Variants in SYTL3 observed in about 807,000 individuals in gnomAD.
The protein encoded by SYTL3 is synaptotagmin like 3.
A neutral mutation model predicts 82.1 loss-of-function variants in SYTL3; 88 were observed. The ratio of observed to expected loss-of-function variants is 1.07; its 90% confidence interval spans 0.90 to 1.28. The LOEUF (loss-of-function observed/expected upper bound fraction) is 1.28, where lower values mean the gene tolerates loss of function less well. SYTL3 is among the 50% of genes most tolerant of loss of function. The pLI is 0.00. For synonymous variants in SYTL3, 311 were observed against 289.4 expected (o/e 1.07, Z -0.76); for missense variants, 831 against 757.6 (o/e 1.10, Z -1.14).
chr6:158,669,791 G>A (rs771895403), intron 5 of SYTL3, among the ~76,000 whole-genome samples: 10 of 152,202 alleles, frequency 6.6e-5, no homozygotes, highest in Non-Finnish European at 1.2e-4. Flanking sequence ...TCAAAAGGGA[G>A]GTGAGCTGGA....
rs573363913 is a variant in SYTL3 at position 158,745,114 on chromosome 6, C to T, written c.856-366C>T. Among the ~76,000 whole-genome samples, 7 of 152,028 alleles carry T rather than the reference C, an allele frequency of 4.6e-5. No homozygotes were observed. The South Asian group carries it at 6.2e-4, about 14-fold the overall frequency. ...GCAGCCACTTAGCCCCAGACTGTGC[C>T]GCTTTCCGCATAGCTGTCCTGCCAT... On this transcript the variant is annotated intron_variant, in intron 11 of 17. Transcript: ENST00000611299.
Position 158,757,216 on chromosome 6 carries a change from G to T in SYTL3, c.1143G>T (p.Gln381His), listed in dbSNP as rs752312511. 2.5e-6 allele frequency: 4 copies of T among 1,609,486 alleles called. No homozygotes were observed. The highest frequency in any genetic ancestry group is 1.7e-5 in the Admixed American group (1 of 59,982). Residue 381 changes from glutamine (Q) to histidine (H), a missense_variant, in exon 14 of 18, where the codon CAG (glutamine) becomes CAT (histidine). Physicochemically the swap from Gln to His is conservative, Grantham distance 24. Coordinates refer to ENST00000611299, the MANE Select transcript of SYTL3 (RefSeq NM_001242394.2). Reference sequence around the variant, plus strand: ...TCTCTTCCTTGCCTCTGCAGTATCAGGTGGCCCCTGCCCAGCTGGTGACCC... The same window carrying T: ...TCTCTTCCTTGCCTCTGCAGTATCATGTGGCCCCTGCCCAGCTGGTGACCC... ...DPTFQETLKYQVAPAQLVTRQ... is the reference protein window; with the variant it reads ...DPTFQETLKYHVAPAQLVTRQ...
rs1159297564 is a variant in SYTL3, at chr6:158,690,208, G to A, written c.394+7219G>A. Reference sequence around the variant, plus strand: ...GGCCCTAGCCAGATTTTGAATGTTTGAGAGCAGGAGCTATGAGTAAAGGAA... The same window carrying A: ...GGCCCTAGCCAGATTTTGAATGTTTAAGAGCAGGAGCTATGAGTAAAGGAA... On this transcript the variant is annotated intron_variant, in intron 6 of 17. Transcript: ENST00000611299. Among the ~76,000 whole-genome samples the A allele has an allele frequency of 3.9e-5, 6 of 152,350 alleles. No individual in the cohort carries two copies. The South Asian group carries it at 1.2e-3, about 32-fold the overall frequency.
rs190769514 is a variant in SYTL3 at position 158,753,655 on chromosome 6, G to A, written c.1137+1625G>A. On this transcript the variant is annotated intron_variant, in intron 13 of 17. Transcript: ENST00000611299. ...TGAGGCAGGAGAATGGCGTGAACCC[G>A]GGAGGCAGAGCTTGCAGTGAGCCGA... is the stretch of plus-strand genomic sequence containing the variant. Among the ~76,000 whole-genome samples, 15 of 151,450 alleles carry A rather than the reference G, an allele frequency of 9.9e-5. 1 individual carries two copies. The East Asian group carries it at 1.8e-3, about 18-fold the overall frequency.
chr6:158,761,959 CG>C (rs1377085497), intron 15 of SYTL3, 116 bp from the exon 16 acceptor site: 1 of 693,872 alleles, frequency 1.4e-6, no homozygotes, highest in Non-Finnish European at 2.5e-6. Flanking sequence ...TCTGCTCTCT[CG>C]GGGTCTGAGG....
At chr6:158,678,833 T>G (rs1014108993) in intron 5 of SYTL3, among the ~76,000 whole-genome samples, 4 of 152,146 alleles carry the variant, frequency 2.6e-5, no homozygotes, top group Non-Finnish European at 4.4e-5. Context: ...TTGAAAAAAT[T>G]TTTAAAGAAG....
At chr6:158,758,380 A>G (rs1204825892) in intron 14 of SYTL3, among the ~76,000 whole-genome samples, 3 of 151,094 alleles carry the variant, frequency 2.0e-5, no homozygotes, top group Non-Finnish European at 2.9e-5. Context: ...AGAGGTTGCA[A>G]TGAGTCGAGA....
intron 12 of SYTL3, among the ~76,000 whole-genome samples, chr6:158,750,541 CAG>C (rs538498158): frequency 6.6e-5 from 10 of 152,228 alleles, no homozygotes; most frequent in Admixed American, 3.9e-4. Flanking sequence ...TTTTTTGAGA[CAG>C]AGTCTTGCTT....
intron 10 of SYTL3, among the ~76,000 whole-genome samples, chr6:158,718,801 G>A (rs1331646322): frequency 2.0e-5 from 3 of 152,330 alleles, no homozygotes; most frequent in East Asian, 3.9e-4. Flanking sequence ...GGGAAAGCCC[G>A]CATTCTAGTT....
chr6:158,752,397 G>T (rs1788510532), intron 13 of SYTL3, among the ~76,000 whole-genome samples: 1 of 152,180 alleles, frequency 6.6e-6, no homozygotes, highest in African/African-American at 2.4e-5. Flanking sequence ...CAGACAGAGT[G>T]CCCTGAAAAT....
chr6:158,650,246 A>G (rs1787825411), intron 1 of SYTL3, among the ~76,000 whole-genome samples, 168 bp downstream of exon 1: 1 of 152,236 alleles, frequency 6.6e-6, no homozygotes, highest in Admixed American at 6.5e-5. Flanking sequence ...ATTTTATTGA[A>G]TAACATACAT....
intron 11 of SYTL3, among the ~76,000 whole-genome samples, chr6:158,730,387 T>C (rs1554260610): frequency 2.0e-5 from 3 of 152,240 alleles, no homozygotes; most frequent in Admixed American, 1.3e-4. Context: ...ATTGCCCTGC[T>C]AAAAAAACTT....
In SYTL3 at chr6:158,744,474, A is replaced by G. The variant is rs544870765; in HGVS notation, c.856-1006A>G. On this transcript the variant is annotated intron_variant, in intron 11 of 17. Transcript: ENST00000611299. ...GCTGGGACGCCACCATGCCTGGCTA[A>G]TTTTTTTTTTCTTTTTTTGTATTTT... is the stretch of plus-strand genomic sequence containing the variant. Among the ~76,000 whole-genome samples, 232 of 146,624 alleles carry G rather than the reference A, an allele frequency of 1.6e-3. 3 individuals carry two copies. The highest frequency in any genetic ancestry group is 3.1e-3 in the Admixed American group (46 of 14,630).
At chr6:158,739,570 A>ATC (rs954311013) in intron 11 of SYTL3, among the ~76,000 whole-genome samples, 8 of 149,568 alleles carry the variant, frequency 5.3e-5, no homozygotes, top group South Asian at 4.3e-4. Context: ...CTCTCCCTCT[A>ATC]TCTCTCTCTC....
At chr6:158,649,624 C>T (rs926267532), upstream of SYTL3, among the ~76,000 whole-genome samples, 1 of 152,216 alleles carries the variant, frequency 6.6e-6, no homozygotes, top group African/African-American at 2.4e-5. Context: ...CAATCTTCAT[C>T]GCTCTTGGCC....
At chr6:158,683,101 C>G in intron 6 of SYTL3, 112 bp downstream of exon 6, 3 of 736,802 alleles carry the variant, frequency 4.1e-6, no homozygotes, top group Non-Finnish European at 6.9e-6. Context: ...TCTGCGGGCC[C>G]CTATGTCTTG....
At chr6:158,654,705 CA>C (rs1788457016) in intron 2 of SYTL3, among the ~76,000 whole-genome samples, 1 of 152,140 alleles carries the variant, frequency 6.6e-6, no homozygotes, top group African/African-American at 2.4e-5. Flanking sequence ...GGAGGAAGGC[CA>C]GTCTCCCAGA....
intron 2 of SYTL3, among the ~76,000 whole-genome samples, chr6:158,659,215 T>A (rs1562341994): frequency 6.6e-6 from 1 of 152,242 alleles, no homozygotes; most frequent in Non-Finnish European, 1.5e-5. Flanking sequence ...GTATTTGAAA[T>A]ACTTCCAGTG....
rs1783643719 is a variant in SYTL3 at position 158,718,166 on chromosome 6, A to G, written c.675A>G (p.Thr225=). 6.5e-7 allele frequency: 1 copy of G among 1,545,896 alleles called. No homozygotes were observed. Among genetic ancestry groups the G allele is most frequent in the South Asian group, 1.2e-5 (1 of 83,266 alleles). The part of the protein sequence containing the change: ...ATGPRQCVGQ[T]ERRSQSDTAV... ...GCCCCAGGCAGTGTGTGGGACAGAC[A>G]GAGAGACGGAGCCAGTCTGACACTG... Residue 225 remains threonine, a synonymous_variant, in exon 10 of 18, where the codon ACA becomes ACG. Transcript: ENST00000611299.
Sources: gnomAD v4.1 joint callset for allele counts (sites outside exome capture counted in the v4.1 genomes callset) on GRCh38, gnomAD v4.1.1 for gene constraint, MANE v1.5 for transcripts, NCBI Gene and HGNC (gene_info 2026-07-23, HGNC 2026-07-21) for gene names.